The following SFXN4 variants were observed in gnomAD, a reference collection of about 807,000 sequenced individuals.
The protein encoded by SFXN4 is sideroflexin-4.
A neutral mutation model predicts 54.6 loss-of-function variants in SFXN4; 48 were observed. The ratio of observed to expected loss-of-function variants is 0.88; its 90% confidence interval spans 0.70 to 1.12. SFXN4 has a LOEUF of 1.12. Ranked by LOEUF, SFXN4 falls within the 50% of genes most tolerant of loss-of-function variation. The pLI is 0.00. For missense variants in SFXN4, 383 were observed against 409.2 expected (o/e 0.94, Z 0.55); for synonymous variants, 130 against 145.5 (o/e 0.89, Z 0.77).
intron 11 of SFXN4, among the ~76,000 whole-genome samples, chr10:119,150,430 G>A (rs557499795): frequency 2.4e-4 from 37 of 152,154 alleles, no homozygotes; most frequent in Non-Finnish European, 4.9e-4. Flanking sequence ...ACCTCCCAGC[G>A]CTCTGGGAGG....
In SFXN4 at chr10:119,155,447, T is replaced by A. The variant is rs182659312; in HGVS notation, c.617-270A>T. On this transcript the variant is annotated intron_variant, in intron 10 of 13. Transcript: ENST00000355697. ...GCACCCCTGCTTCCTTACCGGATTC[T>A]AGGAGAAACCCTGGGATCTTGGAAA... 3.3e-5 allele frequency among the ~76,000 whole-genome samples: 5 copies of A among 152,242 alleles called. No homozygotes were observed. In the East Asian group the frequency reaches 9.7e-4, roughly 29 times the overall value.
chr10:119,159,092 C>G (rs1847404999), intron 6 of SFXN4, among the ~76,000 whole-genome samples: 1 of 152,102 alleles, frequency 6.6e-6, no homozygotes, highest in Non-Finnish European at 1.5e-5. Context: ...CCAGCCTAGC[C>G]AACATGGCAA....
intron 5 of SFXN4, among the ~76,000 whole-genome samples, chr10:119,160,046 G>T (rs1239822274): frequency 6.6e-6 from 1 of 152,074 alleles, no homozygotes; most frequent in Non-Finnish European, 1.5e-5. Flanking sequence ...AGGTGTGGCG[G>T]CATGACCCTG....
At chr10:119,148,342 T>C (rs1017402731) in intron 11 of SFXN4, among the ~76,000 whole-genome samples, 2 of 152,158 alleles carry the variant, frequency 1.3e-5, no homozygotes, top group East Asian at 1.9e-4. Flanking sequence ...GGCGGTCGGC[T>C]GCACTTTGTG....
intron 1 of SFXN4, chr10:119,165,177 T>G: frequency 2.9e-6 from 3 of 1,028,814 alleles, no homozygotes; most frequent in Non-Finnish European, 2.3e-6. Flanking sequence ...GCCTCGGGGG[T>G]CTCACCGAAA....
chr10:119,162,271 C>T, intron 3 of SFXN4, 69 bp downstream of exon 3: 1 of 1,275,604 alleles, frequency 7.8e-7, no homozygotes, highest in Non-Finnish European at 1.1e-6. Flanking sequence ...CCAAATTCCA[C>T]CTGACTTCAG....
At chr10:119,162,289 A>C in intron 3 of SFXN4, 51 bp downstream of exon 3, 3 of 1,446,304 alleles carry the variant, frequency 2.1e-6, no homozygotes, top group Non-Finnish European at 2.9e-6. Flanking sequence ...CAGACCATGC[A>C]GGCAGAACCA....
At chr10:119,153,455 C>CTAAT (rs965753327) in intron 11 of SFXN4, among the ~76,000 whole-genome samples, 1 of 150,280 alleles carries the variant, frequency 6.7e-6, no homozygotes, top group African/African-American at 2.4e-5. Context: ...AAAGAAGAAA[C>CTAAT]TAATAGTAAA....
chr10:119,146,428 C>CGT lies in SFXN4; in HGVS notation c.819-77_819-76dup, dbSNP rs56031432. The CGT allele has an allele frequency of 0.11, 61,183 of 554,852 alleles. 2,013 individuals are homozygous for CGT. Among genetic ancestry groups the CGT allele is most frequent in the African/African-American group, 0.2 (10,010 of 49,860 alleles). 34.4% of individuals were successfully genotyped at this position (554,852 alleles called of 1,614,324 possible). ...TATTTTCTGAACAGCTGAATCAGGG[C>CGT]GTGTGTGTGTGTGTGTGTGTGTGTG... On this transcript the variant is annotated intron_variant, in intron 12 of 13. Coordinates refer to ENST00000355697, the MANE Select transcript of SFXN4 (RefSeq NM_213649.2).
intron 9 of SFXN4, 25 bp downstream of exon 9, chr10:119,157,643 T>C: frequency 6.5e-7 from 1 of 1,548,848 alleles, no homozygotes; most frequent in Non-Finnish European, 8.7e-7. Flanking sequence ...ATAAAGAAGA[T>C]TTGACAGATT....
chr10:119,155,754 A>C (rs118078204), intron 10 of SFXN4, among the ~76,000 whole-genome samples: 2,185 of 152,226 alleles, frequency 0.014, 107 homozygotes, highest in Admixed American at 0.096. Flanking sequence ...TGGCCTCCCA[A>C]AGTGCTGGGA....
rs1446941057 is a variant in SFXN4, at chr10:119,157,932, CGA to C, written c.415-7_415-6del. The C allele has an allele frequency of 6.2e-7, 1 of 1,614,004 alleles. No individual in the cohort carries two copies. The highest frequency in any genetic ancestry group is 8.5e-7 in the Non-Finnish European group (1 of 1,180,032). On this transcript the variant is annotated splice_polypyrimidine_tract_variant and splice_region_variant and intron_variant, in intron 7 of 13. Transcript: ENST00000355697. The stretch of plus-strand genomic sequence containing the variant: ...CATGTAGGCACAGAGGAAAACCTGC[CGA>C]GAGGGGCAAATGGATCGCATTTTCG...
intron 1 of SFXN4, chr10:119,165,267 C>A: frequency 8.5e-7 from 1 of 1,180,730 alleles, no homozygotes; most frequent in Non-Finnish European, 1.1e-6. Flanking sequence ...TAGGGAGCAG[C>A]CACCTGCGCG....
At chr10:119,145,764 G>A (rs941773973) in intron 13 of SFXN4, among the ~76,000 whole-genome samples, 4 of 152,110 alleles carry the variant, frequency 2.6e-5, no homozygotes, top group African/African-American at 9.7e-5. Context: ...GGAGTCAAAG[G>A]TTATACTTGG....
intron 11 of SFXN4, among the ~76,000 whole-genome samples, chr10:119,154,060 C>G (rs1347907440): frequency 1.3e-5 from 2 of 151,996 alleles, no homozygotes; most frequent in East Asian, 1.9e-4. Flanking sequence ...CACCTGTAAT[C>G]CCAGCTACTC....
At chr10:119,161,721 C>T (rs909644253) in intron 3 of SFXN4, among the ~76,000 whole-genome samples, 5 of 152,182 alleles carry the variant, frequency 3.3e-5, no homozygotes, top group African/African-American at 7.2e-5. Context: ...GATGAGTCCC[C>T]GAATCCGGCT....
At chr10:119,155,659 AT>A (rs1847253890) in intron 10 of SFXN4, among the ~76,000 whole-genome samples, 1 of 151,920 alleles carries the variant, frequency 6.6e-6, no homozygotes, top group Non-Finnish European at 1.5e-5. Context: ...CGCCCGGCTA[AT>A]TTTTGTATTT....
Position 119,157,864 on chromosome 10 carries a change from TACTC to T in SFXN4, c.471+3_471+6del, listed in dbSNP as rs1388957687. ...ACCCCACACTCTCTGGGTCTCATAA[TACTC>T]ACGTAACTTCTGTTTCCATTGATGC... On this transcript the variant is annotated splice_donor_5th_base_variant and intron_variant, in intron 8 of 13. Transcript: ENST00000355697. 1.9e-6 allele frequency: 3 copies of T among 1,614,176 alleles called. No homozygotes were observed. Among genetic ancestry groups the T allele is most frequent in the African/African-American group, 1.3e-5 (1 of 75,070 alleles).
At chr10:119,158,118 C>A (rs755342684) in intron 6 of SFXN4, 56 bp from the exon 7 acceptor site, 10 of 1,535,546 alleles carry the variant, frequency 6.5e-6, no homozygotes. Flanking sequence ...GGAGAACTTG[C>A]AGTAGCAAAG....
Sources: gnomAD v4.1 joint callset for allele counts (sites outside exome capture counted in the v4.1 genomes callset) on GRCh38, gnomAD v4.1.1 for gene constraint, MANE v1.5 for transcripts, NCBI Gene and HGNC (gene_info 2026-07-23, HGNC 2026-07-21) for gene names.